Variants in EYS observed in about 807,000 individuals in gnomAD.
The protein encoded by EYS is EGF-like photoreceptor maintenance factor.
A neutral mutation model predicts 282.1 loss-of-function variants in EYS; 250 were observed. The observed-to-expected ratio is 0.89, with a 90% confidence interval of 0.80 to 0.98. EYS has a LOEUF of 0.98. EYS is among the 50% of genes least tolerant of loss of function. The probability of loss-of-function intolerance (pLI) is 0.00; values close to 1 mark genes in which losing one functional copy is unlikely to be tolerated. For missense variants in EYS, 4,016 were observed against 3,709.0 expected (o/e 1.08, Z -2.15); for synonymous variants, 1,355 against 1,282.9 (o/e 1.06, Z -1.20).
At chr6:64,102,221 T>C (rs1222271364) in intron 31 of EYS, among the ~76,000 whole-genome samples, 2 of 152,170 alleles carry the variant, frequency 1.3e-5, no homozygotes, top group Non-Finnish European at 2.9e-5. Flanking sequence ...GACTTTTAAA[T>C]ATAATATTAA....
At chr6:64,974,190 G>A (rs532946358) in intron 14 of EYS, among the ~76,000 whole-genome samples, 7 of 151,772 alleles carry the variant, frequency 4.6e-5, no homozygotes, top group Non-Finnish European at 1.0e-4. Flanking sequence ...CGTATGTACA[G>A]CATAAAGCAC....
intron 30 of EYS, among the ~76,000 whole-genome samples, chr6:64,295,064 A>G (rs1768867829): frequency 6.6e-6 from 1 of 151,952 alleles, no homozygotes; most frequent in Admixed American, 6.5e-5. Context: ...GTTATTGGGT[A>G]GACATTTTCT....
At chr6:63,796,953 A>G (rs1042332488) in intron 37 of EYS, among the ~76,000 whole-genome samples, 1 of 152,190 alleles carries the variant, frequency 6.6e-6, no homozygotes, top group Admixed American at 6.5e-5. Flanking sequence ...TGGTTCTCCC[A>G]CCAAATGAAT....
At chr6:63,930,942 C>A (rs1399116434) in intron 35 of EYS, among the ~76,000 whole-genome samples, 3 of 152,192 alleles carry the variant, frequency 2.0e-5, no homozygotes, top group Non-Finnish European at 4.4e-5. Flanking sequence ...ATAATTTCTT[C>A]CCCTTTCTGG....
intron 26 of EYS, among the ~76,000 whole-genome samples, chr6:64,534,270 T>G (rs1465739425): frequency 2.6e-5 from 4 of 152,004 alleles, no homozygotes; most frequent in Non-Finnish European, 5.9e-5. Flanking sequence ...TTCAAGGCAT[T>G]TAAATTAGCT....
At chr6:65,279,102 C>T (rs145489197) in intron 12 of EYS, among the ~76,000 whole-genome samples, 39 of 152,044 alleles carry the variant, frequency 2.6e-4, no homozygotes, top group African/African-American at 8.2e-4. Flanking sequence ...GTGAGAGGAT[C>T]GCTTGAACCC....
intron 22 of EYS, among the ~76,000 whole-genome samples, chr6:64,735,920 A>T (rs1772171269): frequency 6.6e-6 from 1 of 152,006 alleles, no homozygotes; most frequent in Non-Finnish European, 1.5e-5. Flanking sequence ...TAATTAGATT[A>T]ATTGAAATAG....
At chr6:65,492,535 G>A (rs1227238721) in intron 4 of EYS, among the ~76,000 whole-genome samples, 1 of 152,072 alleles carries the variant, frequency 6.6e-6, no homozygotes, top group Non-Finnish European at 1.5e-5. Flanking sequence ...AAATTTTCTG[G>A]CCAAATGTTC....
chr6:65,371,818 A>G (rs1228001651), intron 8 of EYS, among the ~76,000 whole-genome samples: 1 of 124,996 alleles, frequency 8.0e-6, no homozygotes, highest in Admixed American at 8.0e-5. Flanking sequence ...GACAGACAGA[A>G]TGAGAGAGAG....
chr6:63,934,024 C>T (rs1452075586), intron 35 of EYS, among the ~76,000 whole-genome samples: 1 of 152,094 alleles, frequency 6.6e-6, no homozygotes, highest in Non-Finnish European at 1.5e-5. Flanking sequence ...GGCTAATATC[C>T]AGAATCTACA....
intron 22 of EYS, among the ~76,000 whole-genome samples, chr6:64,737,451 T>C (rs149799131): frequency 4.9e-4 from 75 of 152,340 alleles, no homozygotes; most frequent in African/African-American, 1.7e-3. Flanking sequence ...TATCCAATGA[T>C]CATTGCAAAA....
At chr6:64,947,487 T>C (rs4134138) in intron 14 of EYS, among the ~76,000 whole-genome samples, 89,251 of 151,382 alleles carry the variant, frequency 0.59, 28,106 homozygotes, top group African/African-American at 0.83. Context: ...TGCTTTATTC[T>C]TGACACATAT....
chr6:64,922,387 T>C (rs1768374518), intron 15 of EYS, among the ~76,000 whole-genome samples: 1 of 152,298 alleles, frequency 6.6e-6, no homozygotes, highest in South Asian at 2.1e-4. Context: ...CAAAATAGAC[T>C]GTTGTGTTTG....
chr6:65,243,164 G>GT (rs1767096619), intron 12 of EYS, among the ~76,000 whole-genome samples: 2 of 151,930 alleles, frequency 1.3e-5, no homozygotes, highest in Admixed American at 1.3e-4. Flanking sequence ...TCATTCACTT[G>GT]TTTTTTTGTG....
intron 32 of EYS, among the ~76,000 whole-genome samples, chr6:64,072,519 G>A (rs993691421): frequency 6.6e-6 from 1 of 151,596 alleles, no homozygotes; most frequent in African/African-American, 2.4e-5. Context: ...TTCTGGAGTG[G>A]AGGTGAGGTG....
chr6:64,940,153 T>C (rs1231296992), intron 15 of EYS, among the ~76,000 whole-genome samples: 1 of 152,026 alleles, frequency 6.6e-6, no homozygotes, highest in African/African-American at 2.4e-5. Context: ...TCCCCCAAAA[T>C]ACAAGTAGCA....
At chr6:64,749,270 C>A (rs901770789) in intron 22 of EYS, among the ~76,000 whole-genome samples, 5 of 151,966 alleles carry the variant, frequency 3.3e-5, no homozygotes, top group African/African-American at 9.7e-5. Context: ...TAGATTATAC[C>A]TTTTGTACAC....
At chr6:65,368,026 T>C (rs530610358) in intron 8 of EYS, among the ~76,000 whole-genome samples, 44 of 151,556 alleles carry the variant, frequency 2.9e-4, no homozygotes, top group Non-Finnish European at 5.2e-4. Flanking sequence ...CTCAGGAAAC[T>C]TACAATCATG....
chr6:64,733,512 G>A, intron 22 of EYS: 1 of 185,096 alleles, frequency 5.4e-6, no homozygotes, highest in South Asian at 1.2e-4. Context: ...CATTGTCATG[G>A]CAACAAGTTT....
Sources: allele counts gnomAD v4.1 joint callset (sites outside exome capture counted in the v4.1 genomes callset), GRCh38; gene constraint gnomAD v4.1.1; transcripts MANE v1.5; gene names NCBI Gene and HGNC (gene_info 2026-07-23, HGNC 2026-07-21).